Variants in IQSEC1 observed in about 807,000 individuals in gnomAD.
The protein encoded by IQSEC1 is IQ motif and SEC7 domain-containing protein 1.
IQSEC1 carries 31 observed loss-of-function variants against 91.0 expected under a neutral mutation model. The ratio of observed to expected loss-of-function variants is 0.34; its 90% CI spans 0.26 to 0.46. The LOEUF (loss-of-function observed/expected upper bound fraction) is 0.46. IQSEC1 is among the 20% of genes least tolerant of loss of function. The probability of loss-of-function intolerance (pLI) is 1.00; values close to 1 mark genes in which losing one functional copy is unlikely to be tolerated. For missense variants in IQSEC1, 1,388 were observed against 1,575.6 expected (o/e 0.88, Z 2.02); for synonymous variants, 699 against 662.6 (o/e 1.05, Z -0.84).
At chr3:13,180,730 G>A (rs1314436932) in intron 1 of IQSEC1, among the ~76,000 whole-genome samples, 25 of 150,004 alleles carry the variant, frequency 1.7e-4, no homozygotes, top group African/African-American at 6.1e-4. Context: ...AGCCCACCGG[G>A]AGGAACGAAC....
intron 2 of IQSEC1, among the ~76,000 whole-genome samples, chr3:13,083,073 C>A (rs1436473823): frequency 6.6e-6 from 1 of 152,208 alleles, no homozygotes; most frequent in East Asian, 1.9e-4. Context: ...CATGTGACCA[C>A]CTCCCCCACT....
At chr3:12,925,724 G>A (rs990768091) in intron 3 of IQSEC1, among the ~76,000 whole-genome samples, 1 of 152,238 alleles carries the variant, frequency 6.6e-6, no homozygotes, top group Admixed American at 6.5e-5. Flanking sequence ...CCAGGCCTGG[G>A]CAGGGATGTG....
At chr3:13,049,453 C>T (rs2125060336) in intron 1 of IQSEC1, among the ~76,000 whole-genome samples, 1 of 152,316 alleles carries the variant, frequency 6.6e-6, no homozygotes, top group Admixed American at 6.5e-5. Context: ...GTTCTTCCCA[C>T]ACACTTCATC....
chr3:13,250,876 G>A (rs1455341212), intron 1 of IQSEC1, among the ~76,000 whole-genome samples: 1 of 151,940 alleles, frequency 6.6e-6, no homozygotes, highest in Non-Finnish European at 1.5e-5. Flanking sequence ...TGGCCTCTCT[G>A]GGCTCCCTCC....
chr3:13,098,416 G>T (rs1706000746), intron 2 of IQSEC1, among the ~76,000 whole-genome samples: 1 of 152,208 alleles, frequency 6.6e-6, no homozygotes, highest in Non-Finnish European at 1.5e-5. Context: ...GAGTTCTCTG[G>T]GGGTTGGGGG....
At chr3:13,022,262 G>A in intron 1 of IQSEC1, 1 of 1,223,086 alleles carries the variant, frequency 8.2e-7, no homozygotes, top group Non-Finnish European at 1.0e-6. Context: ...TTAGGGAAAA[G>A]AGGAGGCACT....
Position 12,908,617 on chromosome 3 carries a change from G to C in IQSEC1, c.2579-92C>G. ...TTCTGCTTGGAGCTAGCACTGTCCT[G>C]AGCCACCATCTGCTTGGAATGGGGA... is the stretch of plus-strand genomic sequence containing the variant. On this transcript the variant is annotated intron_variant, in intron 11 of 13. Coordinates refer to ENST00000613206, the MANE Select transcript of IQSEC1 (RefSeq NM_001134382.3). The surrounding 1 kb of genome is among the most constrained non-coding windows in gnomAD (Gnocchi z 4.9). 5 of 1,366,246 alleles carry C rather than the reference G, an allele frequency of 3.7e-6. No homozygotes were observed. Among genetic ancestry groups the C allele is most frequent in the Non-Finnish European group, 5.1e-6 (5 of 978,530 alleles). 84.6% of individuals were successfully genotyped at this position (1,366,246 alleles called of 1,614,324 possible). A position where few individuals can be genotyped will look rare whatever the true frequency, so the allele number is the denominator to read the frequency against.
At position 12,967,376 on chromosome 3, in the gene IQSEC1, C is replaced by G; in HGVS notation, c.24-25511G>C. 6.5e-7 allele frequency: 1 copy of G among 1,532,666 alleles called. No homozygotes were observed. Among genetic ancestry groups the G allele is most frequent in the South Asian group, 1.2e-5 (1 of 83,150 alleles). 94.9% of individuals were successfully genotyped at this position (1,532,666 alleles called of 1,614,324 possible). On this transcript the variant is annotated intron_variant, in intron 1 of 13. Coordinates refer to ENST00000613206, the MANE Select transcript of IQSEC1 (RefSeq NM_001134382.3). The surrounding 1 kb of genome is among the most constrained non-coding windows in gnomAD (Gnocchi z 5.9). ...CCCGGGAAGGCCGCTCGCCCCGCGCCGCGCCCTCACCCGCTGTCAAGCTCT... is the reference window on the plus strand; with the variant it reads ...CCCGGGAAGGCCGCTCGCCCCGCGCGGCGCCCTCACCCGCTGTCAAGCTCT...
At chr3:13,154,022 G>A (rs1018216200) in intron 2 of IQSEC1, among the ~76,000 whole-genome samples, 1 of 152,074 alleles carries the variant, frequency 6.6e-6, no homozygotes, top group Non-Finnish European at 1.5e-5. Context: ...AAAGCCAACG[G>A]GATGAAAATC....
At chr3:12,959,483 T>C (rs1559674624) in intron 1 of IQSEC1, among the ~76,000 whole-genome samples, 3 of 152,162 alleles carry the variant, frequency 2.0e-5, no homozygotes, top group Non-Finnish European at 4.4e-5. Context: ...CCCTGTCTGA[T>C]GGAGGAGTCA....
At chr3:13,116,540 A>G (rs1706338932) in intron 2 of IQSEC1, among the ~76,000 whole-genome samples, 2 of 152,310 alleles carry the variant, frequency 1.3e-5, no homozygotes, top group Middle Eastern at 3.4e-3. Flanking sequence ...GTGCTGTGAT[A>G]ACTGCACATC....
At chr3:12,962,781 C>T (rs982567391) in intron 1 of IQSEC1, among the ~76,000 whole-genome samples, 3 of 152,182 alleles carry the variant, frequency 2.0e-5, no homozygotes, top group Non-Finnish European at 2.9e-5. Flanking sequence ...AGAATCCTGC[C>T]GGAGAGTCTG....
At chr3:13,200,756 G>A (rs1694229294) in intron 1 of IQSEC1, among the ~76,000 whole-genome samples, 1 of 152,240 alleles carries the variant, frequency 6.6e-6, no homozygotes, top group Admixed American at 6.5e-5. Flanking sequence ...TCACACACAT[G>A]TTGCACTGTT....
chr3:13,055,307 G>T (rs1187381608), intron 1 of IQSEC1, among the ~76,000 whole-genome samples: 1 of 152,164 alleles, frequency 6.6e-6, no homozygotes. Flanking sequence ...GGTGAGACTT[G>T]TCTGGGCCTC....
At chr3:13,134,604 C>A (rs999645642) in intron 2 of IQSEC1, among the ~76,000 whole-genome samples, 3 of 152,194 alleles carry the variant, frequency 2.0e-5, no homozygotes, top group Admixed American at 1.3e-4. Flanking sequence ...TAGCCTCATG[C>A]GGGTGATGAT....
chr3:13,255,261 T>C (rs1170607352), intron 1 of IQSEC1, among the ~76,000 whole-genome samples: 2 of 152,156 alleles, frequency 1.3e-5, no homozygotes, highest in African/African-American at 4.8e-5. Context: ...ACACTGGGCT[T>C]CGGTGCTGCA....
chr3:13,169,974 AG>A (rs1693577741), intron 1 of IQSEC1, among the ~76,000 whole-genome samples: 1 of 152,276 alleles, frequency 6.6e-6, no homozygotes, highest in African/African-American at 2.4e-5. Flanking sequence ...ATAAGTAATG[AG>A]AAGCCGAATG....
intron 1 of IQSEC1, among the ~76,000 whole-genome samples, chr3:13,220,703 C>T (rs180904990): frequency 5.3e-5 from 8 of 152,344 alleles, no homozygotes; most frequent in East Asian, 3.9e-4. Context: ...TGAGACATTC[C>T]GAGGTGCACG....
intron 2 of IQSEC1, among the ~76,000 whole-genome samples, chr3:13,122,388 G>A (rs1261791348): frequency 6.6e-6 from 1 of 152,228 alleles, no homozygotes; most frequent in Admixed American, 6.5e-5. Flanking sequence ...AGTGAGGAGG[G>A]AGCCACGGGA....
Sources: allele counts gnomAD v4.1 joint callset (sites outside exome capture counted in the v4.1 genomes callset), GRCh38; gene constraint gnomAD v4.1.1; non-coding constraint Gnocchi (gnomAD v3.1); transcripts MANE v1.5; gene names NCBI Gene and HGNC (gene_info 2026-07-23, HGNC 2026-07-21).